Variants in PLCB2 observed in about 807,000 individuals in gnomAD.
PLCB2 encodes the protein 1-phosphatidylinositol 4,5-bisphosphate phosphodiesterase beta-2.
A neutral mutation model predicts 141.7 loss-of-function variants in PLCB2; 115 were observed. The observed-to-expected ratio is 0.81, with a 90% confidence interval of 0.70 to 0.95. PLCB2 has a LOEUF of 0.95. Among genes scored for constraint, PLCB2 ranks in the 40% least tolerant of loss-of-function variants. The pLI is 0.00. For synonymous variants in PLCB2, 603 were observed against 595.6 expected (o/e 1.01, Z -0.18); for missense variants, 1,403 against 1,541.1 (o/e 0.91, Z 1.50).
intron 30 of PLCB2, 23 bp from the exon 31 acceptor site, chr15:40,289,381 G>A (rs1045446818): frequency 1.9e-6 from 3 of 1,577,410 alleles, no homozygotes; most frequent in Non-Finnish European, 2.6e-6. Context: ...GGATGGCAGA[G>A]AATCAGGACA....
At chr15:40,304,137 C>T in intron 1 of PLCB2, 59 bp from the exon 2 acceptor site, 1 of 1,188,782 alleles carries the variant, frequency 8.4e-7, no homozygotes, top group Non-Finnish European at 1.2e-6. Context: ...CTCCCTGGTC[C>T]AGGCCAGGGG....
intron 21 of PLCB2, 88 bp downstream of exon 21, chr15:40,292,838 C>T (rs530058575): frequency 1.8e-5 from 14 of 778,756 alleles, no homozygotes; most frequent in Admixed American, 1.2e-4. Context: ...GGTAAGGCCT[C>T]ACTCCAGGCC....
intron 7 of PLCB2, 115 bp downstream of exon 7, chr15:40,301,842 C>A: frequency 1.1e-6 from 1 of 903,146 alleles, no homozygotes; most frequent in Admixed American, 2.0e-5. Context: ...GCTCTCCAGG[C>A]TCTTGGCTGG....
intron 7 of PLCB2, chr15:40,301,685 A>G (rs1202858390): frequency 1.4e-6 from 1 of 703,498 alleles, no homozygotes; most frequent in East Asian, 2.7e-5. Context: ...CCTGCCCTGA[A>G]CACAGTCCAT....
chr15:40,292,793 C>A, intron 21 of PLCB2, 133 bp downstream of exon 21: 1 of 604,366 alleles, frequency 1.7e-6, no homozygotes, highest in Non-Finnish European at 3.0e-6. Flanking sequence ...TGGAGAGGTA[C>A]TGTTCTGCCC....
chr15:40,291,690 G>A (rs781334496), intron 24 of PLCB2, 40 bp from the exon 25 acceptor site: 1 of 1,609,808 alleles, frequency 6.2e-7, no homozygotes, highest in East Asian at 2.2e-5. Flanking sequence ...TGCTCTGGGG[G>A]GCCCCTTGGC....
Position 40,298,973 on chromosome 15 carries a change from C to G in PLCB2, c.684-9G>C. On this transcript the variant is annotated splice_polypyrimidine_tract_variant and intron_variant, in intron 8 of 31. Coordinates refer to ENST00000260402, the MANE Select transcript of PLCB2 (RefSeq NM_004573.3). ...GTTTGGCCTTAGCATGGCTTCAAGC[C>G]AGAGAGAAGAGCACAGGTCCATATC... The G allele has an allele frequency of 3.7e-6, 6 of 1,603,506 alleles. No individual in the cohort carries two copies. The highest frequency in any genetic ancestry group is 5.1e-6 in the Non-Finnish European group (6 of 1,177,534).
intron 11 of PLCB2, 22 bp downstream of exon 11, chr15:40,298,201 G>C: frequency 6.5e-7 from 1 of 1,535,052 alleles, no homozygotes; most frequent in Non-Finnish European, 8.8e-7. Flanking sequence ...ACGGCCACCA[G>C]CCTCTGTGCC....
chr15:40,296,555 A>G lies in PLCB2; in HGVS notation c.1566T>C (p.Asp522=). 6.2e-7 allele frequency: 1 copy of G among 1,613,666 alleles called. No individual in the cohort carries two copies. Among genetic ancestry groups the G allele is most frequent in the Non-Finnish European group, 8.5e-7 (1 of 1,179,736 alleles). ...EEEEEESGNL[D]EEEIKKMQSD... ...ACTGCATCTTCTTAATCTCTTCTTC[A>G]TCCAGGTTTCCTGACTCCTCCTCCT... The change falls in exon 15 of 32, where the codon GAT becomes GAC. Residue 522 remains aspartate, a synonymous_variant. Transcript: ENST00000260402.
Position 40,295,252 on chromosome 15 carries a change from G to A in PLCB2, c.1730C>T (p.Thr577Ile), listed in dbSNP as rs1407080941. 1.2e-6 allele frequency: 2 copies of A among 1,613,868 alleles called. No homozygotes were observed. Among genetic ancestry groups the A allele is most frequent in the Non-Finnish European group, 8.5e-7 (1 of 1,179,742 alleles). ...GAGCAGGTCATATGCCTTGAGCTCT[G>A]TGAAGGACGAGATGACATAACTTCG... ...KNRSYVISSFTELKAYDLLSK... is the reference protein window; with the variant it reads ...KNRSYVISSFIELKAYDLLSK... Residue 577 changes from threonine (T) to isoleucine (I), a missense_variant, in exon 17 of 32, where the codon ACA (threonine) becomes ATA (isoleucine). Physicochemically the swap from Thr to Ile is moderately conservative, Grantham distance 89 (BLOSUM62 -1). Transcript: ENST00000260402.
chr15:40,287,655 G>A (rs2039636741), downstream of PLCB2, among the ~76,000 whole-genome samples: 1 of 152,100 alleles, frequency 6.6e-6, no homozygotes, highest in Non-Finnish European at 1.5e-5. Flanking sequence ...GACAATGAAG[G>A]GCCACATCTG....
chr15:40,289,108 G>C (rs576652867), intron 31 of PLCB2, 164 bp downstream of exon 31: 43 of 1,018,500 alleles, frequency 4.2e-5, no homozygotes, highest in Non-Finnish European at 5.7e-5. Flanking sequence ...CTAACCAGGC[G>C]GAGATCTGCA....
In PLCB2 at chr15:40,295,247, G is replaced by A. The variant is rs2040145676; in HGVS notation, c.1735C>T (p.Leu579Phe). Residue 579 changes from leucine (L) to phenylalanine (F), a missense_variant, in exon 17 of 32, where the codon CTC becomes TTC. Physicochemically the swap from Leu to Phe is conservative, Grantham distance 22 (BLOSUM62 0). Transcript: ENST00000260402. ...RSYVISSFTELKAYDLLSKAS... is the reference protein window; with the variant it reads ...RSYVISSFTEFKAYDLLSKAS... ...TTGGAGAGCAGGTCATATGCCTTGA[G>A]CTCTGTGAAGGACGAGATGACATAA... The A allele has an allele frequency of 6.2e-7, 1 of 1,613,772 alleles. No homozygotes were observed. Among genetic ancestry groups the A allele is most frequent in the African/African-American group, 1.3e-5 (1 of 74,912 alleles).
chr15:40,292,513 G>T, intron 21 of PLCB2, 70 bp from the exon 22 acceptor site: 1 of 1,066,312 alleles, frequency 9.4e-7, no homozygotes, highest in Non-Finnish European at 1.4e-6. Context: ...ACACAGCCTA[G>T]GACCCAAGGG....
Position 40,290,912 on chromosome 15 carries a change from G to A in PLCB2, c.3037-75C>T. 1.2e-5 allele frequency: 16 copies of A among 1,334,324 alleles called. No individual in the cohort carries two copies. In the South Asian group the frequency reaches 2.0e-4, roughly 17 times the overall value. The allele number at this position is 1,334,324 out of a possible 1,614,324, so 82.7% of individuals were successfully genotyped here. Reference sequence around the variant, plus strand: ...GGAGTACGGGGGGCGGGGGTCGGTGGAGGGGAGTCGGTGAGGGGGTTGGGT... The same window carrying A: ...GGAGTACGGGGGGCGGGGGTCGGTGAAGGGGAGTCGGTGAGGGGGTTGGGT... On this transcript the variant is annotated intron_variant, in intron 27 of 31. Coordinates refer to ENST00000260402, the MANE Select transcript of PLCB2 (RefSeq NM_004573.3).
chr15:40,300,979 G>A (rs1410871862), intron 7 of PLCB2: 3 of 153,088 alleles, frequency 2.0e-5, no homozygotes, highest in Non-Finnish European at 4.4e-5. Flanking sequence ...GGAGGACTTA[G>A]CCAAGGGAGG....
chr15:40,307,785 G>A lies in PLCB2; in HGVS notation c.-113C>T, dbSNP rs972555224. 3.6e-5 allele frequency: 29 copies of A among 812,244 alleles called. No homozygotes were observed. Among genetic ancestry groups the A allele is most frequent in the Admixed American group, 9.1e-5 (3 of 32,926 alleles). The allele number at this position is 812,244 out of a possible 1,614,324, so 50.3% of individuals were successfully genotyped here. On this transcript the variant is annotated 5_prime_UTR_variant, in exon 1 of 32. Transcript: ENST00000260402. Reference sequence around the variant, plus strand: ...CTGGGCTCAAATGGCACCCATCCCCGAGCTGCTCCAGAAATCTAGTTGCTC... The same window carrying A: ...CTGGGCTCAAATGGCACCCATCCCCAAGCTGCTCCAGAAATCTAGTTGCTC...
Position 40,290,015 on chromosome 15 carries a change from C to T in PLCB2, c.3267+10G>A. 6.7e-7 allele frequency: 1 copy of T among 1,496,988 alleles called. No homozygotes were observed. The highest frequency in any genetic ancestry group is 1.7e-4 in the Middle Eastern group (1 of 5,826). 92.7% of individuals were successfully genotyped at this position (1,496,988 alleles called of 1,614,324 possible). A position where few individuals can be genotyped will look rare whatever the true frequency, so the allele number is the denominator to read the frequency against. ...TGTGTGTGTTTAGGAAGGACACAGC[C>T]CTTACACACCTGCTTGATCACCTGC... On this transcript the variant is annotated intron_variant, in intron 30 of 31. Transcript: ENST00000260402.
Position 40,295,288 on chromosome 15 carries a change from A to G in PLCB2, c.1697-3T>C. The G allele has an allele frequency of 6.2e-7, 1 of 1,605,894 alleles. No homozygotes were observed. On this transcript the variant is annotated splice_polypyrimidine_tract_variant and splice_region_variant and intron_variant, in intron 16 of 31. Transcript: ENST00000260402. ...GATGACATAACTTCGGTTCTTTTCTATATAGGGGAGAAAGGGAGGGGAGGA... is the reference window on the plus strand; with the variant it reads ...GATGACATAACTTCGGTTCTTTTCTGTATAGGGGAGAAAGGGAGGGGAGGA...
Sources: gnomAD v4.1 joint callset for allele counts (sites outside exome capture counted in the v4.1 genomes callset) on GRCh38, gnomAD v4.1.1 for gene constraint, MANE v1.5 for transcripts, NCBI Gene and HGNC (gene_info 2026-07-23, HGNC 2026-07-21) for gene names.